PAQR5: variants seen among roughly 807,000 people sequenced by gnomAD.
The protein encoded by PAQR5 is membrane progestin receptor gamma.
In PAQR5, 20 loss-of-function variants were observed where a neutral mutation model predicts 34.5. The observed-to-expected ratio is 0.58, with a 90% confidence interval of 0.41 to 0.84. The LOEUF is 0.84. PAQR5 is among the 40% of genes least tolerant of loss of function. The pLI is 0.00. For synonymous variants in PAQR5, 131 were observed against 155.6 expected (o/e 0.84, Z 1.18); for missense variants, 378 against 412.7 (o/e 0.92, Z 0.73).
At chr15:69,396,357 C>G (rs574859706) in intron 6 of PAQR5, among the ~76,000 whole-genome samples, 4 of 152,044 alleles carry the variant, frequency 2.6e-5, no homozygotes, top group African/African-American at 9.7e-5. Context: ...AGGACACAGA[C>G]CCCATCCCTC....
chr15:69,341,445 C>G (rs1249893954), intron 2 of PAQR5, among the ~76,000 whole-genome samples: 2 of 142,060 alleles, frequency 1.4e-5, no homozygotes, highest in Non-Finnish European at 3.0e-5. Context: ...TGGCCTTGTT[C>G]TCCTGAGCTC....
In PAQR5 at chr15:69,400,236, G is replaced by A. The variant is rs561117509; in HGVS notation, c.751+121G>A. 1.7e-5 allele frequency: 16 copies of A among 960,932 alleles called. No individual in the cohort carries two copies. The East Asian group carries it at 2.9e-4, about 18-fold the overall frequency. 59.5% of individuals were successfully genotyped at this position (960,932 alleles called of 1,614,324 possible). ...GAAGGGCAGAGAGAGAGGCCAAGGC[G>A]AGTAACATTGCAAGTTGACAGAGGT... On this transcript the variant is annotated intron_variant, in intron 8 of 8. Transcript: ENST00000395407.
chr15:69,369,361 C>T (rs1820247792), intron 3 of PAQR5, among the ~76,000 whole-genome samples: 1 of 152,120 alleles, frequency 6.6e-6, no homozygotes, highest in South Asian at 2.1e-4. Context: ...CATGGTGAAA[C>T]CCTGTCTCTA....
chr15:69,390,533 T>C (rs1341131189), intron 6 of PAQR5, among the ~76,000 whole-genome samples: 2 of 152,106 alleles, frequency 1.3e-5, no homozygotes, highest in Non-Finnish European at 1.5e-5. Context: ...TTACAAATTA[T>C]GCAGCTGGTT....
At chr15:69,300,880 TCTTTCTTTCTTTCTTC>T (rs1227882783) in intron 1 of PAQR5, among the ~76,000 whole-genome samples, 10 of 25,456 alleles carry the variant, frequency 3.9e-4, no homozygotes, top group African/African-American at 1.1e-3. Flanking sequence ...TTTCTTTCTT[TCTTTCTTTCTTTCTTC>T]CTTCCTTCCT....
intron 1 of PAQR5, among the ~76,000 whole-genome samples, chr15:69,317,223 G>T (rs1224885080): frequency 6.6e-6 from 1 of 152,204 alleles, no homozygotes; most frequent in African/African-American, 2.4e-5. Context: ...GGGGCTTCGG[G>T]ACTCAAAGCC....
intron 1 of PAQR5, among the ~76,000 whole-genome samples, chr15:69,333,325 T>C (rs749974334): frequency 5.3e-5 from 8 of 152,320 alleles, no homozygotes; most frequent in Non-Finnish European, 1.0e-4. Context: ...TGTTCTGTTT[T>C]TCACTGTGTT....
At chr15:69,353,778 A>G (rs1007586279) in intron 2 of PAQR5, among the ~76,000 whole-genome samples, 1 of 152,164 alleles carries the variant, frequency 6.6e-6, no homozygotes, top group East Asian at 1.9e-4. Flanking sequence ...GTTTCCAAGA[A>G]GACTTGATGC....
At chr15:69,329,941 C>G (rs1250759892) in intron 1 of PAQR5, among the ~76,000 whole-genome samples, 1 of 152,122 alleles carries the variant, frequency 6.6e-6, no homozygotes, top group Non-Finnish European at 1.5e-5. Context: ...AGTTTGTTCA[C>G]ATCTATTATT....
chr15:69,377,073 C>G (rs1255690743), intron 3 of PAQR5, among the ~76,000 whole-genome samples: 1 of 152,226 alleles, frequency 6.6e-6, no homozygotes, highest in Admixed American at 6.5e-5. Flanking sequence ...TCCCTTGTCA[C>G]AAAGTCTCTT....
At chr15:69,302,264 G>T (rs1033343104) in intron 1 of PAQR5, among the ~76,000 whole-genome samples, 7 of 151,950 alleles carry the variant, frequency 4.6e-5, no homozygotes, top group Non-Finnish European at 1.0e-4. Flanking sequence ...GTAGAGGTGG[G>T]GTCTCACTAT....
At chr15:69,322,073 C>T (rs965835231) in intron 1 of PAQR5, among the ~76,000 whole-genome samples, 1 of 150,474 alleles carries the variant, frequency 6.6e-6, no homozygotes, top group Non-Finnish European at 1.5e-5. Context: ...AGACTGGTGG[C>T]TTATGCCTGT....
At chr15:69,379,821 T>C in intron 3 of PAQR5, 62 bp from the exon 4 acceptor site, 2 of 1,576,518 alleles carry the variant, frequency 1.3e-6, no homozygotes, top group Non-Finnish European at 8.6e-7. Flanking sequence ...AAGATGTTTC[T>C]CCAGAGACCT....
intron 1 of PAQR5, among the ~76,000 whole-genome samples, chr15:69,328,021 T>G (rs1339347759): frequency 6.6e-6 from 1 of 152,142 alleles, no homozygotes; most frequent in Non-Finnish European, 1.5e-5. Context: ...CCTCAGGTGA[T>G]CTGCCAGCCT....
chr15:69,313,490 A>C (rs1244163840), intron 1 of PAQR5, among the ~76,000 whole-genome samples: 1 of 152,134 alleles, frequency 6.6e-6, no homozygotes, highest in Non-Finnish European at 1.5e-5. Flanking sequence ...ACAGAGTGAG[A>C]CTCTGTCTCA....
chr15:69,338,021 G>A (rs576718420), intron 2 of PAQR5, among the ~76,000 whole-genome samples: 1 of 152,112 alleles, frequency 6.6e-6, no homozygotes, highest in African/African-American at 2.4e-5. Context: ...AGGCTGCAGC[G>A]AGCTGAGATT....
chr15:69,354,739 G>A (rs2055011053), intron 2 of PAQR5, among the ~76,000 whole-genome samples: 1 of 152,158 alleles, frequency 6.6e-6, no homozygotes, highest in South Asian at 2.1e-4. Flanking sequence ...GTGTGTCTGC[G>A]AGGATGTTTC....
intron 1 of PAQR5, among the ~76,000 whole-genome samples, chr15:69,299,561 T>C (rs1416028612): frequency 1.3e-5 from 2 of 152,120 alleles, no homozygotes; most frequent in African/African-American, 4.8e-5. Flanking sequence ...GCGGGGGTCG[T>C]CCCGGCCCTG....
intron 1 of PAQR5, among the ~76,000 whole-genome samples, chr15:69,308,744 G>A (rs929516366): frequency 1.3e-5 from 2 of 152,124 alleles, no homozygotes; most frequent in Non-Finnish European, 2.9e-5. Flanking sequence ...GTGGAGGAGA[G>A]TATTCAAGGC....
Sources: gnomAD v4.1 joint callset for allele counts (sites outside exome capture counted in the v4.1 genomes callset) on GRCh38, gnomAD v4.1.1 for gene constraint, MANE v1.5 for transcripts, NCBI Gene and HGNC (gene_info 2026-07-23, HGNC 2026-07-21) for gene names.